YWHAE: variants seen among roughly 807,000 people sequenced by gnomAD.
YWHAE encodes the protein 14-3-3 protein epsilon.
Under a neutral mutation model 30.1 loss-of-function variants are expected in YWHAE, and 4 were observed. The ratio of observed to expected loss-of-function variants is 0.13; its 90% CI spans 0.07 to 0.30. The LOEUF is 0.30. Among genes scored for constraint, YWHAE ranks in the 10% least tolerant of loss-of-function variants. The pLI, the probability that YWHAE is intolerant of heterozygous loss-of-function variation, is 1.00. For missense variants in YWHAE, 121 were observed against 315.9 expected, an observed-to-expected ratio of 0.38 and a Z score of 4.68; for synonymous variants, 118 against 111.8, an observed-to-expected ratio of 1.06 and a Z score of -0.35.
intron 5 of YWHAE, among the ~76,000 whole-genome samples, chr17:1,353,467 A>G (rs907296617): frequency 6.7e-6 from 1 of 148,844 alleles, no homozygotes; most frequent in South Asian, 2.1e-4. Flanking sequence ...AAAAGAAAAG[A>G]AAAGAATAAA....
At chr17:1,359,111 G>C (rs886274055) in intron 4 of YWHAE, among the ~76,000 whole-genome samples, 13 of 151,828 alleles carry the variant, frequency 8.6e-5, no homozygotes, top group African/African-American at 3.1e-4. Context: ...ACTCCAGCCT[G>C]GGTGACAGTG....
intron 1 of YWHAE, among the ~76,000 whole-genome samples, chr17:1,385,871 C>T (rs2073292894): frequency 6.6e-6 from 1 of 151,944 alleles, no homozygotes; most frequent in Admixed American, 6.6e-5. Context: ...TTGAGCCCAG[C>T]TGAAAGACCA....
chr17:1,363,251 C>T (rs1358417685), intron 2 of YWHAE, among the ~76,000 whole-genome samples: 1 of 152,068 alleles, frequency 6.6e-6, no homozygotes, highest in Non-Finnish European at 1.5e-5. Flanking sequence ...GACATCTGGA[C>T]TCTTTATTTT....
chr17:1,348,057 T>A (rs2072556177), intron 5 of YWHAE: 1 of 939,822 alleles, frequency 1.1e-6, no homozygotes, highest in East Asian at 7.7e-5. Context: ...GAAAGCAACA[T>A]TACAAGAAAA....
intron 1 of YWHAE, among the ~76,000 whole-genome samples, chr17:1,394,676 A>T (rs1427694119): frequency 6.6e-6 from 1 of 152,014 alleles, no homozygotes; most frequent in Non-Finnish European, 1.5e-5. Context: ...TTAAAAAATT[A>T]AAAATTTAGG....
intron 1 of YWHAE, among the ~76,000 whole-genome samples, chr17:1,370,894 G>A (rs2073032292): frequency 6.6e-6 from 1 of 151,696 alleles, no homozygotes; most frequent in South Asian, 2.1e-4. Context: ...CAGCTACTCA[G>A]GAGGCTGAGG....
At chr17:1,364,691 T>TA in intron 2 of YWHAE, 168 bp downstream of exon 2, 1 of 846,032 alleles carries the variant, frequency 1.2e-6, no homozygotes, top group African/African-American at 1.7e-5. Flanking sequence ...TAGCCACGGG[T>TA]AAGTTTAACT....
chr17:1,399,830 G>T, intron 1 of YWHAE: 1 of 297,542 alleles, frequency 3.4e-6, no homozygotes, highest in Non-Finnish European at 6.2e-6. Flanking sequence ...CTCCCGGCCC[G>T]CGAGTTGTTT....
intron 1 of YWHAE, among the ~76,000 whole-genome samples, chr17:1,385,922 G>C (rs1158255084): frequency 6.6e-6 from 1 of 151,824 alleles, no homozygotes; most frequent in Non-Finnish European, 1.5e-5. Flanking sequence ...ACAAAAAAGG[G>C]GGAAAAAAAG....
rs1044178702 is a variant in YWHAE, at chr17:1,376,582, C to A, written c.65-11524G>T. Among the ~76,000 whole-genome samples, 5 of 151,952 alleles carry A rather than the reference C, an allele frequency of 3.3e-5. No homozygotes were observed. In the South Asian group the frequency reaches 1.0e-3, roughly 32 times the overall value. ...CTCCTGGGCTCAAGCAATCCTCCCA[C>A]CTCAGCCTCCTGAATACAAAAAGCT... is the stretch of plus-strand genomic sequence containing the variant. On this transcript the variant is annotated intron_variant, in intron 1 of 5. Transcript: ENST00000264335.
intron 4 of YWHAE, among the ~76,000 whole-genome samples, chr17:1,355,260 C>T (rs2072721241): frequency 7.3e-6 from 1 of 137,404 alleles, no homozygotes; most frequent in South Asian, 2.3e-4. Context: ...GGGTTCACAC[C>T]ATTATCCTGC....
At position 1,388,110 on chromosome 17, in the gene YWHAE, T is replaced by TG. The variant is rs1567983205; in HGVS notation, c.64+11936_64+11937insC. ...CGCCTGGGTAATTTTTGTTTTTTTT[T>TG]TTGGTTGGTTTTTTTTTTTTTTTTT... is the stretch of plus-strand genomic sequence containing the variant. On this transcript the variant is annotated intron_variant, in intron 1 of 5. Transcript: ENST00000264335. 1.1e-4 allele frequency among the ~76,000 whole-genome samples: 5 copies of TG among 45,502 alleles called. No individual in the cohort carries two copies. The South Asian group carries it at 3.9e-3, about 35-fold the overall frequency. The allele number at this position is 45,502 out of a possible 152,430, so 29.9% of individuals were successfully genotyped here.
chr17:1,362,037 A>T, intron 2 of YWHAE, 29 bp from the exon 3 acceptor site: 2 of 1,334,442 alleles, frequency 1.5e-6, no homozygotes, highest in Non-Finnish European at 1.0e-6. Context: ...TTTTTAAATC[A>T]GATTAAGTCT....
chr17:1,396,405 C>T (rs2150881423), intron 1 of YWHAE, among the ~76,000 whole-genome samples: 1 of 151,910 alleles, frequency 6.6e-6, no homozygotes, highest in Admixed American at 6.6e-5. Flanking sequence ...GCCTGGGAGA[C>T]AGAGCGAGAC....
chr17:1,378,205 G>A (rs763523537), intron 1 of YWHAE, among the ~76,000 whole-genome samples: 1 of 152,224 alleles, frequency 6.6e-6, no homozygotes, highest in Non-Finnish European at 1.5e-5. Context: ...AGATTTACAT[G>A]TGAGAAGCAG....
At chr17:1,361,705 A>G in intron 3 of YWHAE, 197 bp downstream of exon 3, 1 of 509,102 alleles carries the variant, frequency 2.0e-6, no homozygotes, top group Non-Finnish European at 3.5e-6. Flanking sequence ...GGTCTCACAA[A>G]AACAAAAGAA....
intron 5 of YWHAE, among the ~76,000 whole-genome samples, chr17:1,348,216 C>G (rs1418427003): frequency 1.3e-5 from 2 of 152,160 alleles, no homozygotes; most frequent in African/African-American, 4.8e-5. Flanking sequence ...GAAAGACATA[C>G]AGATATTAGG....
chr17:1,384,379 TAA>T (rs1490086340), intron 1 of YWHAE, among the ~76,000 whole-genome samples: 4 of 151,082 alleles, frequency 2.6e-5, no homozygotes, highest in Non-Finnish European at 5.9e-5. Flanking sequence ...CTCAAAACAT[TAA>T]GAGTACACAT....
chr17:1,364,247 T>G lies in YWHAE; in HGVS notation c.264+612A>C, dbSNP rs183613863. The stretch of plus-strand genomic sequence containing the variant: ...TTGGGTGCTTTTTTTTTTTTTTAGA[T>G]GGAGTCTCGCGCTCTGTCACCCAGG... On this transcript the variant is annotated intron_variant, in intron 2 of 5. Coordinates refer to ENST00000264335, the MANE Select transcript of YWHAE (RefSeq NM_006761.5). 6.3e-3 allele frequency among the ~76,000 whole-genome samples: 940 copies of G among 149,674 alleles called. 12 individuals are homozygous for G. The highest frequency in any genetic ancestry group is 0.022 in the African/African-American group (894 of 40,478).
Sources: gnomAD v4.1 joint callset for allele counts (sites outside exome capture counted in the v4.1 genomes callset) on GRCh38, gnomAD v4.1.1 for gene constraint, MANE v1.5 for transcripts, NCBI Gene and HGNC (gene_info 2026-07-23, HGNC 2026-07-21) for gene names.